The following SRGAP3 variants were observed in gnomAD, a reference collection of about 807,000 sequenced individuals.
SRGAP3 encodes the protein SLIT-ROBO Rho GTPase-activating protein 3.
A neutral mutation model predicts 121.1 loss-of-function variants in SRGAP3; 39 were observed. The ratio of observed to expected loss-of-function variants is 0.32; its 90% CI spans 0.25 to 0.42. The LOEUF (loss-of-function observed/expected upper bound fraction) is 0.42, where lower values mean the gene tolerates loss of function less well. Among genes scored for constraint, SRGAP3 ranks in the 10% least tolerant of loss-of-function variants. SRGAP3 has a pLI of 1.00. For synonymous variants in SRGAP3, 601 were observed against 570.0 expected, an observed-to-expected ratio of 1.05 and a Z score of -0.77; for missense variants, 1,213 against 1,470.6, an observed-to-expected ratio of 0.82 and a Z score of 2.86.
chr3:8,993,959 T>C (rs1248189834), intron 19 of SRGAP3: 1 of 259,024 alleles, frequency 3.9e-6, no homozygotes, highest in East Asian at 8.5e-5. Flanking sequence ...GGCATGTTTC[T>C]GCCCATCCCC....
At chr3:9,258,443 G>A (rs368807968) in intron 3 of SRGAP3, among the ~76,000 whole-genome samples, 4 of 152,158 alleles carry the variant, frequency 2.6e-5, no homozygotes, top group Non-Finnish European at 5.9e-5. Flanking sequence ...TAACAAGCTC[G>A]GAGTTTCATC....
At chr3:9,203,080 A>G (rs1952123609) in intron 1 of SRGAP3, among the ~76,000 whole-genome samples, 1 of 152,062 alleles carries the variant, frequency 6.6e-6, no homozygotes, top group Non-Finnish European at 1.5e-5. Context: ...CCTGAGAGTA[A>G]TCCTCAGGGA....
At chr3:9,266,769 C>A (rs529539150) in intron 3 of SRGAP3, among the ~76,000 whole-genome samples, 1 of 152,094 alleles carries the variant, frequency 6.6e-6, no homozygotes, top group Non-Finnish European at 1.5e-5. Context: ...GGAGGCAATA[C>A]CCCCTGTGAG....
At chr3:9,085,383 C>T (rs1253675934) in intron 3 of SRGAP3, among the ~76,000 whole-genome samples, 1 of 152,220 alleles carries the variant, frequency 6.6e-6, no homozygotes, top group Admixed American at 6.5e-5. Flanking sequence ...TTAGTTCAAC[C>T]ATTGTGGAAG....
intron 1 of SRGAP3, chr3:9,348,800 G>A: frequency 7.3e-7 from 1 of 1,373,254 alleles, no homozygotes; most frequent in Non-Finnish European, 1.0e-6. Context: ...CTCCTATGAT[G>A]TCCCACCACC....
rs1407116831 is a variant in SRGAP3 at position 8,980,848 on chromosome 3, G to C, written c.*4671C>G. 2 of 233,142 alleles carry C rather than the reference G, an allele frequency of 8.6e-6. No individual in the cohort carries two copies. The highest frequency in any genetic ancestry group is 1.7e-5 in the Non-Finnish European group (2 of 117,878). The allele number at this position is 233,142 out of a possible 1,614,324, so 14.4% of individuals were successfully genotyped here. On this transcript the variant is annotated 3_prime_UTR_variant, in exon 22 of 22. Transcript: ENST00000383836. ...GAAGGAAACCAAAGGAAACAAAATA[G>C]ACCAGCCACTCTGAAGCAATCAGAA...
At chr3:9,276,999 C>A (rs567503325) in intron 3 of SRGAP3, among the ~76,000 whole-genome samples, 1 of 152,344 alleles carries the variant, frequency 6.6e-6, no homozygotes. Flanking sequence ...CAGCCATTCA[C>A]AAGAAATGTG....
At chr3:9,263,631 A>G (rs937520188) in intron 3 of SRGAP3, among the ~76,000 whole-genome samples, 2 of 152,198 alleles carry the variant, frequency 1.3e-5, no homozygotes, top group African/African-American at 4.8e-5. Context: ...GAAGTAATGG[A>G]TACATTCCTG....
intron 18 of SRGAP3, among the ~76,000 whole-genome samples, chr3:9,004,196 C>T (rs1942932446): frequency 6.6e-6 from 1 of 152,036 alleles, no homozygotes; most frequent in African/African-American, 2.4e-5. Flanking sequence ...ATCTAATATC[C>T]TTTCAAGACA....
chr3:9,116,781 G>A (rs948937254), intron 2 of SRGAP3, among the ~76,000 whole-genome samples: 1 of 152,186 alleles, frequency 6.6e-6, no homozygotes, highest in Non-Finnish European at 1.5e-5. Context: ...AACAAAGATT[G>A]GAATCCTAGC....
chr3:9,314,535 A>G (rs1051872782), intron 3 of SRGAP3, among the ~76,000 whole-genome samples: 1 of 152,188 alleles, frequency 6.6e-6, no homozygotes, highest in African/African-American at 2.4e-5. Flanking sequence ...TCATGGGCAC[A>G]CTGAGAAACA....
At chr3:9,190,423 A>G (rs1951714757) in intron 1 of SRGAP3, among the ~76,000 whole-genome samples, 1 of 152,200 alleles carries the variant, frequency 6.6e-6, no homozygotes, top group South Asian at 2.1e-4. Context: ...CATGGTCTCG[A>G]GTATGACAGG....
chr3:9,134,292 G>A lies in SRGAP3; in HGVS notation c.68-9375C>T, dbSNP rs542395038. 8.5e-5 allele frequency among the ~76,000 whole-genome samples: 13 copies of A among 152,202 alleles called. No individual in the cohort carries two copies. In the South Asian group the frequency reaches 2.7e-3, roughly 32 times the overall value. On this transcript the variant is annotated intron_variant, in intron 1 of 21. Transcript: ENST00000383836. ...CAGTAACTGTTCTGGCACCTCCTGGGATGGAGAGGCACCACTCACAGTCTG... is the reference window on the plus strand; with the variant it reads ...CAGTAACTGTTCTGGCACCTCCTGGAATGGAGAGGCACCACTCACAGTCTG...
chr3:9,175,219 T>C (rs1164026093), intron 1 of SRGAP3, among the ~76,000 whole-genome samples: 1 of 152,200 alleles, frequency 6.6e-6, no homozygotes, highest in Non-Finnish European at 1.5e-5. Context: ...AACTCATCCA[T>C]ATCTCAGAAC....
chr3:9,236,917 T>C (rs1211573964), intron 1 of SRGAP3, among the ~76,000 whole-genome samples: 1 of 152,194 alleles, frequency 6.6e-6, no homozygotes, highest in Non-Finnish European at 1.5e-5. Context: ...ACTATTTTTG[T>C]GTCCCCATCT....
chr3:9,313,678 T>TAA lies in SRGAP3; in HGVS notation n.442+12330_442+12331dup, dbSNP rs200875584. 2.0e-3 allele frequency among the ~76,000 whole-genome samples: 280 copies of TAA among 138,478 alleles called. 2 individuals carry two copies. Among genetic ancestry groups the TAA allele is most frequent in the African/African-American group, 6.3e-3 (240 of 38,054 alleles). The allele number at this position is 138,478 out of a possible 152,430, so 90.8% of individuals were successfully genotyped here. On this transcript the variant is annotated intron_variant and non_coding_transcript_variant, in intron 3 of 3. Coordinates refer to the SRGAP3 transcript ENST00000490889. ...GGTGACAGAGCAAGACTCTATGTCT[T>TAA]AAAAAAAAAAAGAAAAAAGAAAATA...
At chr3:9,240,624 A>C (rs901661094) in intron 1 of SRGAP3, among the ~76,000 whole-genome samples, 22 of 152,340 alleles carry the variant, frequency 1.4e-4, no homozygotes, top group Admixed American at 1.2e-3. Flanking sequence ...TGAACCAAGC[A>C]GATAAACCTT....
intron 1 of SRGAP3, among the ~76,000 whole-genome samples, chr3:9,203,193 C>G (rs558474652): frequency 2.6e-5 from 4 of 152,126 alleles, no homozygotes; most frequent in African/African-American, 4.8e-5. Flanking sequence ...ATATCCCATG[C>G]CCCCACCAGC....
rs1941542437 is a variant in SRGAP3, at chr3:8,983,737, T to C, written c.*1782A>G. 2 of 230,684 alleles carry C rather than the reference T, an allele frequency of 8.7e-6. No homozygotes were observed. Among genetic ancestry groups the C allele is most frequent in the East Asian group, 1.2e-4 (2 of 16,254 alleles). 14.3% of individuals were successfully genotyped at this position (230,684 alleles called of 1,614,324 possible). A position where few individuals can be genotyped will look rare whatever the true frequency, so the allele number is the denominator to read the frequency against. On this transcript the variant is annotated 3_prime_UTR_variant, in exon 22 of 22. Coordinates refer to ENST00000383836, the MANE Select transcript of SRGAP3 (RefSeq NM_014850.4). ...TGTATTGATTCAGTGTTTTCCAGTG[T>C]ACACAGCTTGCTCACTGATGTTTGA...
Sources: gnomAD v4.1 joint callset for allele counts (sites outside exome capture counted in the v4.1 genomes callset) on GRCh38, gnomAD v4.1.1 for gene constraint, MANE v1.5 for transcripts, NCBI Gene and HGNC (gene_info 2026-07-23, HGNC 2026-07-21) for gene names.